The following KIAA1549 variants were observed in gnomAD, a reference collection of about 807,000 sequenced individuals.
The protein encoded by KIAA1549 is KIAA1549.
Under a neutral mutation model 156.4 loss-of-function variants are expected in KIAA1549, and 70 were observed. The observed-to-expected ratio is 0.45, with a 90% CI of 0.37 to 0.55. The LOEUF is 0.55. KIAA1549 is among the 20% of genes least tolerant of loss of function. The pLI, the probability that KIAA1549 is intolerant of heterozygous loss-of-function variation, is 0.00. For synonymous variants in KIAA1549, 1,103 were observed against 1,066.4 expected (o/e 1.03, Z -0.67); for missense variants, 2,428 against 2,540.9 (o/e 0.96, Z 0.96).
At chr7:138,947,282 C>T (rs1023845991) in intron 1 of KIAA1549, among the ~76,000 whole-genome samples, 4 of 152,126 alleles carry the variant, frequency 2.6e-5, no homozygotes, top group African/African-American at 9.7e-5. Context: ...CTACTATATG[C>T]CAAATTCTGG....
rs767282223 is a variant in KIAA1549 at position 138,840,316 on chromosome 7, A to C, written c.5453-38T>G. 2.9e-5 allele frequency: 46 copies of C among 1,579,218 alleles called. No homozygotes were observed. In the South Asian group the frequency reaches 5.2e-4, roughly 18 times the overall value. ...TGGTGGAGTGGCCTGGTCAACATTT[A>C]TAGGAGAGTATGGCTGCTGAGGATG... On this transcript the variant is annotated intron_variant, in intron 18 of 19. Transcript: ENST00000422774.
Position 138,840,282 on chromosome 7 carries a change from G to A in KIAA1549, c.5453-4C>T. 1.9e-6 allele frequency: 3 copies of A among 1,600,504 alleles called. No individual in the cohort carries two copies. Among genetic ancestry groups the A allele is most frequent in the Non-Finnish European group, 2.6e-6 (3 of 1,173,768 alleles). On this transcript the variant is annotated splice_region_variant and splice_polypyrimidine_tract_variant and intron_variant, in intron 18 of 19. Coordinates refer to ENST00000422774, the MANE Select transcript of KIAA1549 (RefSeq NM_001164665.2). ...GTCAGGTGCTGGATCTGGGAGCCTG[G>A]AAGGAACATGGTGGAGTGGCCTGGT...
Position 138,911,221 on chromosome 7 carries a change from G to A in KIAA1549, c.3070C>T (p.Arg1024Cys), listed in dbSNP as rs745323375. The A allele has an allele frequency of 3.8e-5, 61 of 1,599,718 alleles. 1 individual carries two copies. The Middle Eastern group carries it at 1.7e-3, about 43-fold the overall frequency. ...INVLINSKLV[R>C]DQTPLILSVK... ...GACAGGATTAAAGGAGTCTGGTCACGGACAAGCTTACTGTTTATAAGCACA... is the reference window on the plus strand; with the variant it reads ...GACAGGATTAAAGGAGTCTGGTCACAGACAAGCTTACTGTTTATAAGCACA... Residue 1024 changes from arginine (R) to cysteine (C), a missense_variant, in exon 4 of 20, where the codon CGT becomes TGT. Arg to Cys is a radical substitution (Grantham distance 180). Around this residue, in one of 5 missense-constraint regions of KIAA1549, gnomAD observed 762 missense variants for 901.6 expected, o/e 0.85. Transcript: ENST00000422774.
At chr7:138,978,607 CA>C (rs1814450505) in intron 1 of KIAA1549, among the ~76,000 whole-genome samples, 2 of 152,124 alleles carry the variant, frequency 1.3e-5, no homozygotes, top group South Asian at 4.1e-4. Flanking sequence ...CTCTATTGAA[CA>C]AAAGTTAACA....
In KIAA1549 at chr7:138,942,165, C is replaced by T. The variant is rs181335825; in HGVS notation, c.188-22727G>A. ...CCCAGTATTTGAACCCGGATCTATC[C>T]GCTGCCAAAACCCCTTGCTCTGGGC... On this transcript the variant is annotated intron_variant, in intron 1 of 19. Transcript: ENST00000422774. 1.6e-3 allele frequency among the ~76,000 whole-genome samples: 236 copies of T among 152,214 alleles called. 1 individual carries two copies. The highest frequency in any genetic ancestry group is 5.2e-3 in the African/African-American group (214 of 41,526).
At chr7:138,899,372 G>A (rs1811778735) in intron 8 of KIAA1549, among the ~76,000 whole-genome samples, 2 of 152,148 alleles carry the variant, frequency 1.3e-5, no homozygotes, top group African/African-American at 4.8e-5. Flanking sequence ...CTTTTCTGGG[G>A]CCAAGGGGCA....
chr7:138,852,756 C>T (rs1333037046), intron 16 of KIAA1549, among the ~76,000 whole-genome samples: 3 of 152,232 alleles, frequency 2.0e-5, no homozygotes, highest in Non-Finnish European at 2.9e-5. Flanking sequence ...GTATCAAATG[C>T]TGTCTCATGT....
chr7:138,880,367 T>C (rs1184087154), intron 11 of KIAA1549, among the ~76,000 whole-genome samples: 1 of 152,208 alleles, frequency 6.6e-6, no homozygotes, highest in African/African-American at 2.4e-5. Context: ...TATTAAATAA[T>C]CTTCAATGAT....
Position 138,911,240 on chromosome 7 carries a change from A to G in KIAA1549, c.3051T>C (p.Leu1017=), listed in dbSNP as rs774694440. Residue 1017 remains leucine (L), a synonymous_variant, in exon 4 of 20, where the codon CTT becomes CTC. Coordinates refer to ENST00000422774, the MANE Select transcript of KIAA1549 (RefSeq NM_001164665.2). ...VYTAISVINV[L]INSKLVRDQT... The stretch of plus-strand genomic sequence containing the variant: ...GGTCACGGACAAGCTTACTGTTTAT[A>G]AGCACATTTATGACGGATATTGCCG... The G allele has an allele frequency of 6.2e-7, 1 of 1,603,372 alleles. No homozygotes were observed. The highest frequency in any genetic ancestry group is 8.5e-7 in the Non-Finnish European group (1 of 1,174,480).
chr7:138,933,413 A>C (rs1398891586), intron 1 of KIAA1549, among the ~76,000 whole-genome samples: 1 of 152,240 alleles, frequency 6.6e-6, no homozygotes, highest in Non-Finnish European at 1.5e-5. Flanking sequence ...AAAGGCAAGA[A>C]AAGACTGAGG....
At chr7:138,956,164 C>T (rs746211419) in intron 1 of KIAA1549, among the ~76,000 whole-genome samples, 3 of 152,142 alleles carry the variant, frequency 2.0e-5, no homozygotes, top group Non-Finnish European at 2.9e-5. Flanking sequence ...AAAGTCAGCA[C>T]TGGGTTTAAA....
At chr7:138,874,044 A>G (rs1811011504) in intron 12 of KIAA1549, among the ~76,000 whole-genome samples, 1 of 148,090 alleles carries the variant, frequency 6.8e-6, no homozygotes, top group Non-Finnish European at 1.5e-5. Flanking sequence ...TTAGTAATAT[A>G]TTACTATTAG....
chr7:138,846,213 G>T (rs1487749885), intron 17 of KIAA1549, among the ~76,000 whole-genome samples: 1 of 152,122 alleles, frequency 6.6e-6, no homozygotes, highest in Non-Finnish European at 1.5e-5. Context: ...CATACAATTT[G>T]GTGGCACTGC....
chr7:138,902,006 G>C (rs1212548209), intron 8 of KIAA1549, among the ~76,000 whole-genome samples: 1 of 152,288 alleles, frequency 6.6e-6, no homozygotes, highest in African/African-American at 2.4e-5. Flanking sequence ...ATGTGCAGAA[G>C]TTAACTCACA....
chr7:138,916,966 C>G lies in KIAA1549; in HGVS notation c.2660G>C (p.Ser887Thr). ...LNTSTEVSTT[S>T]TGAATGGPLD... ...GGGACCACCAGTGGCAGCACCGGTGCTGGTTGTGCTCACTTCCGTGGAGGT... is the reference window on the plus strand; with the variant it reads ...GGGACCACCAGTGGCAGCACCGGTGGTGGTTGTGCTCACTTCCGTGGAGGT... Residue 887 changes from serine (S) to threonine (T), a missense_variant, in exon 2 of 20, where the codon AGC becomes ACC. Coordinates refer to ENST00000422774, the MANE Select transcript of KIAA1549 (RefSeq NM_001164665.2). 6.2e-7 allele frequency: 1 copy of G among 1,602,184 alleles called. No homozygotes were observed. Among genetic ancestry groups the G allele is most frequent in the Non-Finnish European group, 8.5e-7 (1 of 1,174,028 alleles).
chr7:138,958,662 C>T (rs117756007), intron 1 of KIAA1549, among the ~76,000 whole-genome samples: 3,503 of 152,162 alleles, frequency 0.023, 73 homozygotes, highest in Non-Finnish European at 0.035. Flanking sequence ...TATTACTATC[C>T]CACTGTCTCA....
chr7:138,920,296 T>C (rs898930811), intron 1 of KIAA1549, among the ~76,000 whole-genome samples: 6 of 112,718 alleles, frequency 5.3e-5, no homozygotes, highest in African/African-American at 2.8e-4. Context: ...CTCGATGCTC[T>C]GAAGTTGGAT....
rs1050904071 is a variant in KIAA1549, at chr7:138,838,055, C to G, written c.5704G>C (p.Gly1902Arg). 2.5e-6 allele frequency: 4 copies of G among 1,599,506 alleles called. No individual in the cohort carries two copies. Among genetic ancestry groups the G allele is most frequent in the African/African-American group, 1.3e-5 (1 of 74,716 alleles). ...SAPSGNLPHR[G>R]LQGPGLGYPT... is the part of the protein sequence containing the mutation. ...TAACCCAGCCCAGGGCCCTGCAGTC[C>G]CCGGTGGGGGAGGTTCCCGGAAGGA... The change falls in exon 20 of 20, where the codon GGA becomes CGA. Residue 1902 changes from glycine to arginine, a missense_variant. By Grantham distance (125) the Gly-to-Arg change is moderately radical. Around this residue, in one of 5 missense-constraint regions of KIAA1549, gnomAD observed 363 missense variants for 354.0 expected, o/e 1.03. Coordinates refer to ENST00000422774, the MANE Select transcript of KIAA1549 (RefSeq NM_001164665.2).
intron 1 of KIAA1549, among the ~76,000 whole-genome samples, chr7:138,980,299 A>G (rs1051292506): frequency 6.6e-6 from 1 of 152,190 alleles, no homozygotes; most frequent in Non-Finnish European, 1.5e-5. Flanking sequence ...GGACAAATAA[A>G]CATTTTGGAG....
Sources: gnomAD v4.1 joint callset for allele counts (sites outside exome capture counted in the v4.1 genomes callset) on GRCh38, gnomAD v4.1.1 for gene constraint, gnomAD v4.1.1 regional missense constraint, MANE v1.5 for transcripts, NCBI Gene and HGNC (gene_info 2026-07-23, HGNC 2026-07-21) for gene names.